The following TMCO5A variants were observed in gnomAD, a reference collection of about 807,000 sequenced individuals.
TMCO5A encodes the protein transmembrane and coiled-coil domain-containing protein 5A.
In TMCO5A, 34 loss-of-function variants were observed where a neutral mutation model predicts 42.3. The ratio of observed to expected loss-of-function variants is 0.80; its 90% confidence interval spans 0.61 to 1.07. The LOEUF (loss-of-function observed/expected upper bound fraction) is 1.07, where lower values mean the gene tolerates loss of function less well. TMCO5A is among the 50% of genes least tolerant of loss of function. The probability of loss-of-function intolerance (pLI) is 0.00; values close to 1 mark genes in which losing one functional copy is unlikely to be tolerated. For missense variants in TMCO5A, 357 were observed against 327.9 expected (o/e 1.09, Z -0.69); for synonymous variants, 131 against 115.6 (o/e 1.13, Z -0.86).
intron 11 of TMCO5A, among the ~76,000 whole-genome samples, chr15:37,964,277 T>C (rs1346765134): frequency 6.6e-6 from 1 of 152,136 alleles, no homozygotes; most frequent in African/African-American, 2.4e-5. Context: ...CTCTTCTGGG[T>C]TTAGCCACCC....
the TMCO5A span, chr15:38,004,712 C>T: frequency 6.6e-6 from 1 of 152,176 alleles, no homozygotes; most frequent in Non-Finnish European, 1.5e-5. Context: ...CATTCACCCT[C>T]CCCAAAGTGC....
chr15:37,959,005 AAACT>A (rs555041882), intron 11 of TMCO5A, among the ~76,000 whole-genome samples: 2,126 of 152,222 alleles, frequency 0.014, 58 homozygotes, highest in African/African-American at 0.048. Flanking sequence ...CATTCTCAGC[AAACT>A]AACACAGGAA....
the TMCO5A span, among the ~76,000 whole-genome samples, chr15:37,975,318 T>A: frequency 6.6e-6 from 1 of 152,228 alleles, no homozygotes; most frequent in Non-Finnish European, 1.5e-5. Context: ...CTCAATTATC[T>A]AATACTGTCA....
the TMCO5A span, among the ~76,000 whole-genome samples, chr15:37,980,362 G>A: frequency 6.6e-6 from 1 of 152,178 alleles, no homozygotes; most frequent in African/African-American, 2.4e-5. Flanking sequence ...TGCCTGAGTG[G>A]TGGCTCTGCC....
chr15:37,939,039 G>A (rs1889634914), intron 6 of TMCO5A, among the ~76,000 whole-genome samples: 1 of 152,120 alleles, frequency 6.6e-6, no homozygotes, highest in African/African-American at 2.4e-5. Context: ...TAGGGTACAT[G>A]TGCACAACGT....
chr15:38,021,603 G>A, the TMCO5A span, among the ~76,000 whole-genome samples: 3 of 152,042 alleles, frequency 2.0e-5, no homozygotes, highest in Non-Finnish European at 4.4e-5. Flanking sequence ...GGGAGACTAG[G>A]TTTTGATTGA....
At chr15:38,034,322 G>A in the TMCO5A span, among the ~76,000 whole-genome samples, 1 of 152,114 alleles carries the variant, frequency 6.6e-6, no homozygotes, top group African/African-American at 2.4e-5. Flanking sequence ...ACAGCAACAG[G>A]TAAGAGATTG....
chr15:37,954,951 CA>C (rs1224708316), downstream of TMCO5A, among the ~76,000 whole-genome samples: 1 of 151,076 alleles, frequency 6.6e-6, no homozygotes, highest in Non-Finnish European at 1.5e-5. Flanking sequence ...AATGAATACA[CA>C]AAAAAATGCA....
At chr15:37,943,051 G>C in intron 9 of TMCO5A, 1 of 290,108 alleles carries the variant, frequency 3.4e-6, no homozygotes, top group Non-Finnish European at 6.5e-6. Flanking sequence ...CTGAACATTG[G>C]TTTATGGCTT....
intron 5 of TMCO5A, 80 bp downstream of exon 5, chr15:37,937,476 C>T: frequency 6.8e-7 from 1 of 1,474,000 alleles, no homozygotes; most frequent in African/African-American, 1.4e-5. Context: ...GGGAAGTGAT[C>T]ATAGAGGAAC....
chr15:37,964,727 T>C (rs928587275), intron 11 of TMCO5A, among the ~76,000 whole-genome samples: 2 of 152,016 alleles, frequency 1.3e-5, no homozygotes, highest in African/African-American at 4.8e-5. Context: ...AACTTTATAA[T>C]GAAAAATGTA....
chr15:37,940,835 A>G (rs1194390155), intron 6 of TMCO5A, among the ~76,000 whole-genome samples: 1 of 152,170 alleles, frequency 6.6e-6, no homozygotes, highest in East Asian at 1.9e-4. Context: ...CTATATTAAA[A>G]GGAAAAGGAA....
the TMCO5A span, among the ~76,000 whole-genome samples, chr15:38,031,838 C>A: frequency 6.6e-6 from 1 of 152,194 alleles, no homozygotes; most frequent in Non-Finnish European, 1.5e-5. Context: ...AGCATTCTAG[C>A]CCTGCCATAG....
the TMCO5A span, among the ~76,000 whole-genome samples, chr15:38,038,801 A>T: frequency 6.6e-6 from 1 of 152,168 alleles, no homozygotes; most frequent in Non-Finnish European, 1.5e-5. Flanking sequence ...CATTCTCCCA[A>T]CTAGGAAACT....
the TMCO5A span, among the ~76,000 whole-genome samples, chr15:37,984,109 G>A: frequency 6.6e-6 from 1 of 152,112 alleles, no homozygotes; most frequent in Non-Finnish European, 1.5e-5. Context: ...GGGAAATAAA[G>A]CTTCATATTC....
chr15:37,940,323 C>T (rs1459474711), intron 6 of TMCO5A, among the ~76,000 whole-genome samples: 1 of 152,160 alleles, frequency 6.6e-6, no homozygotes, highest in Non-Finnish European at 1.5e-5. Flanking sequence ...ACCAATTTCC[C>T]TTATGCTCTG....
the TMCO5A span, among the ~76,000 whole-genome samples, chr15:37,998,753 T>A: frequency 6.6e-6 from 1 of 152,180 alleles, no homozygotes; most frequent in Non-Finnish European, 1.5e-5. Context: ...GGTATTTTGA[T>A]AGAGATTGCA....
the TMCO5A span, among the ~76,000 whole-genome samples, chr15:38,006,896 T>G: frequency 1.6e-4 from 25 of 151,976 alleles, no homozygotes; most frequent in East Asian, 4.8e-3. Flanking sequence ...AGTAAATATT[T>G]GCAAGTCATA....
In TMCO5A at chr15:37,965,963, A is replaced by G. The variant is rs138672537; in HGVS notation, c.669-662A>G. On this transcript the variant is annotated intron_variant, in intron 11 of 11. Coordinates refer to the TMCO5A transcript ENST00000559502. ...AAGAGCTATCTACACTTTCATGTTC[A>G]TTGCAGCACTGTTCACAATAGCCAA... Among the ~76,000 whole-genome samples, 49 of 152,348 alleles carry G rather than the reference A, an allele frequency of 3.2e-4. No homozygotes were observed. The East Asian group carries it at 8.9e-3, about 28-fold the overall frequency.
Sources: allele counts gnomAD v4.1 joint callset (sites outside exome capture counted in the v4.1 genomes callset), GRCh38; gene constraint gnomAD v4.1.1; transcripts MANE v1.5; gene names NCBI Gene and HGNC (gene_info 2026-07-23, HGNC 2026-07-21).